Variants in TMEM135 observed in about 807,000 individuals in gnomAD.
The protein encoded by TMEM135 is transmembrane protein 135.
Under a neutral mutation model 60.3 loss-of-function variants are expected in TMEM135, and 30 were observed. That is an observed-to-expected ratio of 0.50 (90% CI 0.37 to 0.68). The LOEUF is 0.68. Among genes scored for constraint, TMEM135 ranks in the 30% least tolerant of loss-of-function variants. TMEM135 has a pLI of 0.00. For synonymous variants in TMEM135, 190 were observed against 186.7 expected (o/e 1.02, Z -0.14); for missense variants, 468 against 548.8 (o/e 0.85, Z 1.47).
At chr11:87,147,054 C>A (rs193033399) in intron 4 of TMEM135, among the ~76,000 whole-genome samples, 1 of 151,878 alleles carries the variant, frequency 6.6e-6, no homozygotes, top group South Asian at 2.1e-4. Context: ...TAATAATACT[C>A]CTCACACCAG....
chr11:87,301,321 A>G (rs1942444724), intron 7 of TMEM135, among the ~76,000 whole-genome samples: 1 of 152,040 alleles, frequency 6.6e-6, no homozygotes, highest in African/African-American at 2.4e-5. Context: ...TGGCATGATC[A>G]TAGCCCACTG....
At chr11:87,305,628 G>T (rs574093737) in intron 8 of TMEM135, among the ~76,000 whole-genome samples, 193 of 152,142 alleles carry the variant, frequency 1.3e-3, no homozygotes, top group African/African-American at 4.5e-3. Context: ...ACAAAAATTA[G>T]CTGGGCGTGG....
chr11:87,091,238 C>A, intron 3 of TMEM135, 124 bp from the exon 4 acceptor site: 2 of 796,270 alleles, frequency 2.5e-6, no homozygotes, highest in Non-Finnish European at 3.9e-6. Context: ...ACCTGTTTTT[C>A]TAAGATACCA....
At chr11:87,069,872 G>C (rs1856742039) in intron 2 of TMEM135, among the ~76,000 whole-genome samples, 1 of 152,108 alleles carries the variant, frequency 6.6e-6, no homozygotes, top group Admixed American at 6.6e-5. Flanking sequence ...CTGAGCTTCA[G>C]TTTAAGAAAT....
rs149792821 is a variant in TMEM135 at position 87,072,515 on chromosome 11, G to C, written c.362+900G>C. On this transcript the variant is annotated intron_variant, in intron 3 of 14. Transcript: ENST00000305494. ...CCTATCTTAGCCTCCCGAGTAGCTG[G>C]GATTACAGGCGCATGCCACCATGCC... Among the ~76,000 whole-genome samples the C allele has an allele frequency of 1.8e-3, 268 of 152,112 alleles. 3 individuals carry two copies. The highest frequency in any genetic ancestry group is 6.1e-3 in the African/African-American group (252 of 41,478).
chr11:87,058,881 A>C lies in TMEM135; in HGVS notation c.142-8813A>C, dbSNP rs557254911. On this transcript the variant is annotated intron_variant, in intron 1 of 14. Transcript: ENST00000305494. ...ATGATCTGCCTGCCTCACCCTCCCA[A>C]AGTGCTGGGATTACAGGCATGAGAA... Among the ~76,000 whole-genome samples, 14 of 152,036 alleles carry C rather than the reference A, an allele frequency of 9.2e-5. No individual in the cohort carries two copies. In the South Asian group the frequency reaches 2.9e-3, roughly 32 times the overall value.
chr11:87,265,738 A>G (rs1338625571), intron 6 of TMEM135, among the ~76,000 whole-genome samples: 5 of 152,102 alleles, frequency 3.3e-5, no homozygotes, highest in African/African-American at 1.2e-4. Flanking sequence ...TCTCTGAGAT[A>G]AAAACAGGAG....
Position 87,302,594 on chromosome 11 carries a change from G to A in TMEM135, c.698+152G>A, listed in dbSNP as rs560899494. 4.3e-6 allele frequency: 4 copies of A among 935,794 alleles called. No individual in the cohort carries two copies. In the East Asian group the frequency reaches 1.0e-4, roughly 24 times the overall value. 58.0% of individuals were successfully genotyped at this position (935,794 alleles called of 1,614,324 possible). ...AGAATTTTATAAAAGGCACACAATG[G>A]CAAGTGAATATTATTTATTATTTCT... On this transcript the variant is annotated intron_variant, in intron 8 of 14. Coordinates refer to ENST00000305494, the MANE Select transcript of TMEM135 (RefSeq NM_022918.4).
At chr11:87,172,334 G>C (rs1440303757) in intron 5 of TMEM135, among the ~76,000 whole-genome samples, 1 of 151,842 alleles carries the variant, frequency 6.6e-6, no homozygotes, top group Non-Finnish European at 1.5e-5. Flanking sequence ...AAATAGAAAA[G>C]AAATTTAAAG....
chr11:87,260,916 A>G lies in TMEM135; in HGVS notation c.509+24232A>G, dbSNP rs575466496. 2.0e-5 allele frequency among the ~76,000 whole-genome samples: 3 copies of G among 152,316 alleles called. No homozygotes were observed. In the South Asian group the frequency reaches 6.2e-4, roughly 32 times the overall value. On this transcript the variant is annotated intron_variant, in intron 6 of 14. Transcript: ENST00000305494. ...AGGTCTGGGGTGGGATGTGAGCTTC[A>G]GTAGTTCCAACACTCTCCCAGGCGA...
intron 5 of TMEM135, among the ~76,000 whole-genome samples, chr11:87,207,642 G>A (rs1940265318): frequency 6.6e-6 from 1 of 152,164 alleles, no homozygotes; most frequent in Non-Finnish European, 1.5e-5. Flanking sequence ...GCCGTACAAG[G>A]TATGCATTCT....
intron 6 of TMEM135, among the ~76,000 whole-genome samples, chr11:87,261,295 A>G (rs1337833278): frequency 6.6e-6 from 1 of 152,168 alleles, no homozygotes; most frequent in Non-Finnish European, 1.5e-5. Flanking sequence ...CAAAATACAT[A>G]TTCTGCCTTG....
In TMEM135 at chr11:87,236,679, T is replaced by C. The variant is rs368520876; in HGVS notation, c.504T>C (p.Phe168=). 35 of 1,612,154 alleles carry C rather than the reference T, an allele frequency of 2.2e-5. No individual in the cohort carries two copies. Among genetic ancestry groups the C allele is most frequent in the Non-Finnish European group, 3.0e-5 (35 of 1,178,706 alleles). Residue 168 remains phenylalanine, a synonymous_variant, in exon 6 of 15, where the codon TTT becomes TTC. Coordinates refer to ENST00000305494, the MANE Select transcript of TMEM135 (RefSeq NM_022918.4). The part of the protein sequence containing the change: ...FCITAAMYMF[F]FRCKDGLKGF... ...TCACAGCTGCCATGTACATGTTCTT[T>C]TTCAGGTATGTTCTGTTATACTTAT... is the stretch of plus-strand genomic sequence containing the variant.
chr11:87,143,399 C>T (rs1202454544), intron 4 of TMEM135, among the ~76,000 whole-genome samples: 7 of 148,402 alleles, frequency 4.7e-5, no homozygotes, highest in Non-Finnish European at 1.0e-4. Context: ...ATGGAGCACA[C>T]TTTCCTGTTT....
chr11:87,264,699 C>G (rs534757906), intron 6 of TMEM135, among the ~76,000 whole-genome samples: 2 of 151,776 alleles, frequency 1.3e-5, no homozygotes, highest in South Asian at 4.2e-4. Context: ...TGTATATAGT[C>G]AGTTGTCATT....
In TMEM135 at chr11:87,309,653, C is replaced by A; in HGVS notation, c.917C>A (p.Ser306Tyr). The A allele has an allele frequency of 6.2e-7, 1 of 1,613,472 alleles. No individual in the cohort carries two copies. Among genetic ancestry groups the A allele is most frequent in the Non-Finnish European group, 8.5e-7 (1 of 1,179,666 alleles). Residue 306 changes from serine (S) to tyrosine (Y), a missense_variant, in exon 10 of 15, where the codon TCT (serine) becomes TAT (tyrosine). By Grantham distance (144) the Ser-to-Tyr change is moderately radical. Coordinates refer to ENST00000305494, the MANE Select transcript of TMEM135 (RefSeq NM_022918.4). Reference protein sequence around the residue: ...ENFQLGAFLGSFVSIYKGTSC... With the variant: ...ENFQLGAFLGYFVSIYKGTSC... ...TTCCAGCTTGGAGCTTTTCTTGGCT[C>A]TTTTGTTAGTATATACAAGGTAAGG...
chr11:87,276,673 T>TC (rs2135416262), intron 6 of TMEM135, among the ~76,000 whole-genome samples: 1 of 145,462 alleles, frequency 6.9e-6, no homozygotes, highest in South Asian at 2.2e-4. Context: ...GAATTTTTTT[T>TC]TTTTTTTTTT....
At chr11:87,258,703 T>G in intron 6 of TMEM135, 8 of 375,998 alleles carry the variant, frequency 2.1e-5, no homozygotes, top group East Asian at 6.2e-5. Context: ...AGTCTCTTCA[T>G]GAGACAATGT....
intron 6 of TMEM135, among the ~76,000 whole-genome samples, chr11:87,258,020 A>G (rs2135398250): frequency 6.6e-6 from 1 of 152,296 alleles, no homozygotes; most frequent in African/African-American, 2.4e-5. Context: ...TTCTAAGAAT[A>G]CATTCCAATT....
Sources: allele counts gnomAD v4.1 joint callset (sites outside exome capture counted in the v4.1 genomes callset), GRCh38; gene constraint gnomAD v4.1.1; transcripts MANE v1.5; gene names NCBI Gene and HGNC (gene_info 2026-07-23, HGNC 2026-07-21).